Variants in SCFD2 observed in about 807,000 individuals in gnomAD.
The protein encoded by SCFD2 is sec1 family domain containing 2.
Under a neutral mutation model 58.9 loss-of-function variants are expected in SCFD2, and 54 were observed. The ratio of observed to expected loss-of-function variants is 0.92; its 90% CI spans 0.74 to 1.15. The LOEUF is 1.15. Among genes scored for constraint, SCFD2 ranks in the 50% most tolerant of loss-of-function variants. The probability of loss-of-function intolerance (pLI) is 0.00; values close to 1 mark genes in which losing one functional copy is unlikely to be tolerated. For synonymous variants in SCFD2, 321 were observed against 335.9 expected (o/e 0.96, Z 0.49); for missense variants, 805 against 836.6 (o/e 0.96, Z 0.47).
At chr4:53,170,101 C>T (rs547541067) in intron 4 of SCFD2, among the ~76,000 whole-genome samples, 18 of 152,110 alleles carry the variant, frequency 1.2e-4, no homozygotes, top group African/African-American at 4.3e-4. Context: ...AACTCATTGC[C>T]CAGACAAAGG....
At chr4:53,133,307 G>T (rs376260235) in intron 5 of SCFD2, among the ~76,000 whole-genome samples, 2 of 126,734 alleles carry the variant, frequency 1.6e-5, no homozygotes, top group Admixed American at 9.2e-5. Context: ...CAGCCTGGGC[G>T]ACAGTGCAAG....
chr4:53,045,557 A>G (rs1340600457), intron 5 of SCFD2, among the ~76,000 whole-genome samples: 3 of 152,160 alleles, frequency 2.0e-5, no homozygotes, highest in African/African-American at 4.8e-5. Flanking sequence ...TATCCTCTGT[A>G]TAATAAAACA....
chr4:53,293,204 C>T (rs539326103), intron 3 of SCFD2, among the ~76,000 whole-genome samples: 3 of 151,982 alleles, frequency 2.0e-5, no homozygotes, highest in Admixed American at 6.6e-5. Context: ...AATGCAGGAG[C>T]GGAAAACCAA....
intron 5 of SCFD2, among the ~76,000 whole-genome samples, chr4:53,096,497 T>A (rs1205985562): frequency 1.3e-5 from 2 of 152,334 alleles, no homozygotes; most frequent in African/African-American, 2.4e-5. Context: ...CATGTGTCTG[T>A]TGGCTGCATA....
intron 5 of SCFD2, among the ~76,000 whole-genome samples, chr4:53,058,327 A>C (rs1429184586): frequency 6.6e-6 from 1 of 152,152 alleles, no homozygotes; most frequent in Non-Finnish European, 1.5e-5. Flanking sequence ...GATTTGAATT[A>C]ATGTTATAGT....
At chr4:52,960,832 T>G (rs1299019597) in intron 5 of SCFD2, among the ~76,000 whole-genome samples, 1 of 152,132 alleles carries the variant, frequency 6.6e-6, no homozygotes, top group Non-Finnish European at 1.5e-5. Context: ...CCAGTTGCTA[T>G]GAGGAAAACA....
chr4:53,073,184 A>T (rs1343345937), intron 5 of SCFD2, among the ~76,000 whole-genome samples: 1 of 152,074 alleles, frequency 6.6e-6, no homozygotes, highest in Non-Finnish European at 1.5e-5. Flanking sequence ...ACCTAATTAT[A>T]TTAGGTATTA....
chr4:52,954,028 C>CTCA (rs920478640), intron 5 of SCFD2, among the ~76,000 whole-genome samples: 9 of 152,198 alleles, frequency 5.9e-5, no homozygotes, highest in African/African-American at 2.2e-4. Context: ...CCTCTGCTCC[C>CTCA]TCATGGCAGA....
chr4:52,875,232 G>T (rs1003099629), intron 8 of SCFD2, among the ~76,000 whole-genome samples: 2 of 152,060 alleles, frequency 1.3e-5, no homozygotes, highest in African/African-American at 4.8e-5. Flanking sequence ...GGCTCCTCTG[G>T]CTTCTTTCAT....
intron 3 of SCFD2, among the ~76,000 whole-genome samples, chr4:53,311,880 T>A (rs768593422): frequency 2.0e-5 from 3 of 152,108 alleles, no homozygotes; most frequent in Non-Finnish European, 4.4e-5. Context: ...GTGATCCGCC[T>A]GCCTCGGCCT....
In SCFD2 at chr4:53,049,091, C is replaced by A. The variant is rs1164169419; in HGVS notation, c.1561+96242G>T. On this transcript the variant is annotated intron_variant, in intron 5 of 8. Coordinates refer to ENST00000401642, the MANE Select transcript of SCFD2 (RefSeq NM_152540.4). Reference sequence around the variant, plus strand: ...AGAATAAGCACAACAGAATGGCGTACCTTCTTTCAACCCAGTTCAGTTTAA... The same window carrying A: ...AGAATAAGCACAACAGAATGGCGTAACTTCTTTCAACCCAGTTCAGTTTAA... 2.0e-5 allele frequency among the ~76,000 whole-genome samples: 3 copies of A among 152,272 alleles called. No homozygotes were observed. In the South Asian group the frequency reaches 6.2e-4, roughly 32 times the overall value.
intron 5 of SCFD2, among the ~76,000 whole-genome samples, chr4:53,111,427 C>T (rs1725170701): frequency 6.6e-6 from 1 of 152,086 alleles, no homozygotes. Flanking sequence ...ATTTCAATGT[C>T]ATAACTTTGT....
intron 4 of SCFD2, among the ~76,000 whole-genome samples, chr4:53,260,285 G>C (rs191733933): frequency 7.7e-4 from 118 of 152,258 alleles, no homozygotes; most frequent in Non-Finnish European, 1.4e-3. Context: ...AGTGATGAGA[G>C]TGTGTATCCT....
At position 53,239,397 on chromosome 4, in the gene SCFD2, TGAGAGGGAGAGG is replaced by T. The variant is rs369278015; in HGVS notation, c.1311+34417_1311+34428del. ...AGGGAGAGGGAGACCGTGGGGAGAG[TGAGAGGGAGAGG>T]GAGAGGGAGAGGAGGGAGAGGAGGG... On this transcript the variant is annotated intron_variant, in intron 4 of 8. Transcript: ENST00000401642. Among the ~76,000 whole-genome samples, 483 of 96,706 alleles carry T rather than the reference TGAGAGGGAGAGG, an allele frequency of 5.0e-3. 5 individuals are homozygous for T. Among genetic ancestry groups the T allele is most frequent in the African/African-American group, 0.022 (458 of 20,756 alleles). The allele number at this position is 96,706 out of a possible 152,430, so 63.4% of individuals were successfully genotyped here. A position where few individuals can be genotyped will look rare whatever the true frequency, so the allele number is the denominator to read the frequency against.
intron 5 of SCFD2, among the ~76,000 whole-genome samples, chr4:52,952,574 A>G (rs1241327483): frequency 6.6e-6 from 1 of 152,218 alleles, no homozygotes; most frequent in East Asian, 1.9e-4. Flanking sequence ...TGTTTCCATT[A>G]TTACTGCAAT....
intron 4 of SCFD2, among the ~76,000 whole-genome samples, chr4:53,154,209 A>G (rs1726595219): frequency 6.6e-6 from 1 of 152,160 alleles, no homozygotes; most frequent in African/African-American, 2.4e-5. Context: ...GAGGCTGGGT[A>G]ATTTATAAAG....
At chr4:53,341,790 A>G (rs558782260) in intron 2 of SCFD2, among the ~76,000 whole-genome samples, 3 of 152,330 alleles carry the variant, frequency 2.0e-5, no homozygotes, top group South Asian at 2.1e-4. Context: ...AGAAGAGAGT[A>G]GGGGCCAATA....
intron 5 of SCFD2, among the ~76,000 whole-genome samples, chr4:52,976,142 G>A (rs1052267058): frequency 6.6e-5 from 10 of 152,088 alleles, no homozygotes; most frequent in African/African-American, 9.7e-5. Context: ...CCTGCATGTT[G>A]TGTACATGTA....
intron 5 of SCFD2, among the ~76,000 whole-genome samples, chr4:53,100,983 A>G (rs1192531207): frequency 6.6e-6 from 1 of 152,180 alleles, no homozygotes; most frequent in Non-Finnish European, 1.5e-5. Context: ...TTAAGTATAA[A>G]AAAAGACAGA....
Sources: gnomAD v4.1 joint callset for allele counts (sites outside exome capture counted in the v4.1 genomes callset) on GRCh38, gnomAD v4.1.1 for gene constraint, MANE v1.5 for transcripts, NCBI Gene and HGNC (gene_info 2026-07-23, HGNC 2026-07-21) for gene names.